SLCO3A1: variants seen among roughly 807,000 people sequenced by gnomAD.
SLCO3A1 encodes PGE1 transporter.
Under a neutral mutation model 63.1 loss-of-function variants are expected in SLCO3A1, and 27 were observed. The ratio of observed to expected loss-of-function variants is 0.43; its 90% CI spans 0.32 to 0.59. SLCO3A1 has a LOEUF of 0.59. Ranked by LOEUF, SLCO3A1 falls within the 20% of genes least tolerant of loss-of-function variation. The probability of loss-of-function intolerance (pLI) is 0.09; values close to 1 mark genes in which losing one functional copy is unlikely to be tolerated. For synonymous variants in SLCO3A1, 473 were observed against 409.9 expected, an observed-to-expected ratio of 1.15 and a Z score of -1.86; for missense variants, 773 against 945.8, an observed-to-expected ratio of 0.82 and a Z score of 2.40.
At chr15:92,125,972 G>A (rs1386167857) in intron 5 of SLCO3A1, 89 bp from the exon 6 acceptor site, 27 of 1,112,948 alleles carry the variant, frequency 2.4e-5, no homozygotes, top group Non-Finnish European at 3.2e-5. Context: ...GGGCATTCAC[G>A]GGACTCAGCC....
chr15:91,990,095 G>A (rs1021049487), intron 2 of SLCO3A1, among the ~76,000 whole-genome samples: 1 of 152,218 alleles, frequency 6.6e-6, no homozygotes, highest in South Asian at 2.1e-4. Flanking sequence ...AAATGATGGC[G>A]GGAGGGCGGA....
chr15:92,130,714 A>C (rs2047982353), intron 7 of SLCO3A1, among the ~76,000 whole-genome samples: 1 of 152,178 alleles, frequency 6.6e-6, no homozygotes, highest in Non-Finnish European at 1.5e-5. Context: ...CTTGGCCCAG[A>C]GTCAGAGAAA....
chr15:92,133,009 G>A (rs977867506), intron 7 of SLCO3A1, among the ~76,000 whole-genome samples: 3 of 145,918 alleles, frequency 2.1e-5, no homozygotes, highest in Non-Finnish European at 4.6e-5. Flanking sequence ...ATGGAGAACC[G>A]CTGTTCTAAT....
chr15:92,102,432 A>G (rs1567120837), intron 3 of SLCO3A1, among the ~76,000 whole-genome samples: 2 of 152,234 alleles, frequency 1.3e-5, no homozygotes, highest in South Asian at 2.1e-4. Flanking sequence ...CCTACTGTGC[A>G]TCAGGTGATT....
chr15:91,855,666 G>A (rs1262428718), intron 1 of SLCO3A1, among the ~76,000 whole-genome samples: 3 of 151,974 alleles, frequency 2.0e-5, no homozygotes, highest in Non-Finnish European at 2.9e-5. Flanking sequence ...TCAGTTTATC[G>A]GCACTTCCTT....
At chr15:92,015,024 A>G (rs2046409916) in intron 2 of SLCO3A1, among the ~76,000 whole-genome samples, 1 of 152,204 alleles carries the variant, frequency 6.6e-6, no homozygotes, top group Non-Finnish European at 1.5e-5. Context: ...AGCTTAAGGC[A>G]TGGCTTTCAG....
intron 4 of SLCO3A1, among the ~76,000 whole-genome samples, chr15:92,116,201 G>A (rs1209664854): frequency 6.6e-6 from 1 of 152,300 alleles, no homozygotes; most frequent in African/African-American, 2.4e-5. Flanking sequence ...TAAGCATTTA[G>A]AACGGCATTT....
intron 4 of SLCO3A1, among the ~76,000 whole-genome samples, chr15:92,117,409 A>G (rs1341853335): frequency 6.6e-6 from 1 of 152,198 alleles, no homozygotes. Context: ...CCCTAATGAA[A>G]AAAATGAAGG....
chr15:92,122,735 G>A (rs1439630979), intron 5 of SLCO3A1, among the ~76,000 whole-genome samples: 3 of 152,166 alleles, frequency 2.0e-5, no homozygotes, highest in African/African-American at 4.8e-5. Flanking sequence ...ATGCATAATG[G>A]ACCCAAACTT....
chr15:92,067,461 T>C (rs2047165340), intron 2 of SLCO3A1, among the ~76,000 whole-genome samples: 2 of 152,222 alleles, frequency 1.3e-5, no homozygotes, highest in Admixed American at 6.5e-5. Context: ...ATTAAGAGAC[T>C]GAACTGGAAT....
Position 92,125,782 on chromosome 15 carries a change from T to C in SLCO3A1, c.1175-279T>C, listed in dbSNP as rs539425339. On this transcript the variant is annotated intron_variant, in intron 5 of 9. Coordinates refer to ENST00000318445, the MANE Select transcript of SLCO3A1 (RefSeq NM_013272.4). ...ATCTCTTGGTAGTCCCCTCTTCAGC[T>C]TGCGTTTCTCCTGAGGGTGCCCCAC... 1.1e-4 allele frequency among the ~76,000 whole-genome samples: 17 copies of C among 151,906 alleles called. No homozygotes were observed. The South Asian group carries it at 3.3e-3, about 30-fold the overall frequency.
At chr15:91,940,455 T>A (rs949942511) in intron 2 of SLCO3A1, among the ~76,000 whole-genome samples, 1 of 152,176 alleles carries the variant, frequency 6.6e-6, no homozygotes, top group African/African-American at 2.4e-5. Flanking sequence ...GGCCACTGAC[T>A]CCAGACCCAG....
At chr15:92,059,112 G>A (rs2047055758) in intron 2 of SLCO3A1, among the ~76,000 whole-genome samples, 1 of 152,216 alleles carries the variant, frequency 6.6e-6, no homozygotes, top group Admixed American at 6.5e-5. Flanking sequence ...AGCAGCTGGG[G>A]AAGCAGTTGG....
chr15:91,960,133 G>A (rs940421594), intron 2 of SLCO3A1, among the ~76,000 whole-genome samples: 16 of 152,230 alleles, frequency 1.1e-4, no homozygotes, highest in African/African-American at 3.6e-4. Flanking sequence ...ATAGGCGCGT[G>A]CCACCATGCT....
intron 3 of SLCO3A1, among the ~76,000 whole-genome samples, chr15:92,102,064 A>T (rs2047611627): frequency 6.6e-6 from 1 of 152,124 alleles, no homozygotes; most frequent in Admixed American, 6.5e-5. Context: ...AACAACTGCT[A>T]GGATTTCTCT....
Position 91,995,133 on chromosome 15 carries a change from C to T in SLCO3A1, c.646+78675C>T, listed in dbSNP as rs191982567. Among the ~76,000 whole-genome samples the T allele has an allele frequency of 3.3e-5, 5 of 152,256 alleles. No homozygotes were observed. The East Asian group carries it at 5.8e-4, about 18-fold the overall frequency. On this transcript the variant is annotated intron_variant, in intron 2 of 9. Coordinates refer to ENST00000318445, the MANE Select transcript of SLCO3A1 (RefSeq NM_013272.4). ...CCAACCACTAATTTACGAAGTGGAG[C>T]GGCTCTGCTGGCTCTGTGAAGTATG...
At chr15:92,081,959 G>A (rs983469980) in intron 2 of SLCO3A1, among the ~76,000 whole-genome samples, 2 of 152,198 alleles carry the variant, frequency 1.3e-5, no homozygotes, top group East Asian at 1.9e-4. Flanking sequence ...TGTGGGGAGG[G>A]GCACATATGC....
chr15:91,974,686 G>T (rs1901028789), intron 2 of SLCO3A1, among the ~76,000 whole-genome samples: 1 of 152,190 alleles, frequency 6.6e-6, no homozygotes, highest in African/African-American at 2.4e-5. Context: ...TCCTGCAAGT[G>T]TCCACTGTGG....
chr15:92,057,344 A>T (rs1229607029), intron 2 of SLCO3A1, among the ~76,000 whole-genome samples: 1 of 152,232 alleles, frequency 6.6e-6, no homozygotes, highest in African/African-American at 2.4e-5. Context: ...AAGAGAGATT[A>T]CTGTATTCGT....
Sources: gnomAD v4.1 joint callset for allele counts (sites outside exome capture counted in the v4.1 genomes callset) on GRCh38, gnomAD v4.1.1 for gene constraint, MANE v1.5 for transcripts, NCBI Gene and HGNC (gene_info 2026-07-23, HGNC 2026-07-21) for gene names.